IHO1: variants seen among roughly 807,000 people sequenced by gnomAD.
IHO1 encodes the protein interactor of HORMAD1 1, also known as interactor of HORMAD1 protein 1.
In IHO1, 13 loss-of-function variants were observed where a neutral mutation model predicts 31.0. That is an observed-to-expected ratio of 0.42 (90% confidence interval 0.27 to 0.67). The LOEUF (loss-of-function observed/expected upper bound fraction) is 0.67. Among genes scored for constraint, IHO1 ranks in the 30% least tolerant of loss-of-function variants. The pLI, the probability that IHO1 is intolerant of heterozygous loss-of-function variation, is 0.24. For synonymous variants in IHO1, 221 were observed against 248.4 expected (o/e 0.89, Z 1.04); for missense variants, 599 against 687.5 (o/e 0.87, Z 1.44).
chr3:49,209,047 A>G (rs1388086796), intron 1 of IHO1, among the ~76,000 whole-genome samples: 1 of 152,226 alleles, frequency 6.6e-6, no homozygotes, highest in Non-Finnish European at 1.5e-5. Flanking sequence ...TGGACATCTC[A>G]GGCTTGGGTA....
At chr3:49,193,293 G>A in the IHO1 span, among the ~76,000 whole-genome samples, 2 of 151,042 alleles carry the variant, frequency 1.3e-5, no homozygotes, top group African/African-American at 4.9e-5. Context: ...GATCACTTGA[G>A]CCCGGGAAGT....
At position 49,256,673 on chromosome 3, in the gene IHO1, G is replaced by A. The variant is rs139494518; in HGVS notation, c.1176G>A (p.Gln392=). ...ACCTGGTTTCCCAAGGAGCCTCACA[G>A]CTCACATCATTGGAGATAAACTTTT... ...DRDLVSQGAS[Q]LTSLEINFST... is the part of the protein sequence containing the mutation. Residue 392 remains glutamine, a synonymous_variant, in exon 8 of 8, where the codon CAG becomes CAA. Coordinates refer to ENST00000452691, the MANE Select transcript of IHO1 (RefSeq NM_001135197.2). This position sits in a 1 kb window ranked among gnomAD's most constrained non-coding sequence, Gnocchi z 4.6. 2.5e-5 allele frequency: 40 copies of A among 1,614,246 alleles called. 1 individual carries two copies. The African/African-American group carries it at 4.4e-4, about 18-fold the overall frequency.
chr3:49,193,655 CAAAAAAAAAAAAAA>C (rs71077770), upstream of IHO1, among the ~76,000 whole-genome samples: 1 of 24,998 alleles, frequency 4.0e-5, no homozygotes, highest in East Asian at 1.2e-3. Flanking sequence ...GAGACTCTAC[CAAAAAAAAAAAAAA>C]AAAAAAAAAA....
chr3:49,224,606 G>A (rs759205825), intron 2 of IHO1, among the ~76,000 whole-genome samples: 21 of 152,194 alleles, frequency 1.4e-4, no homozygotes, highest in Non-Finnish European at 2.9e-4. Flanking sequence ...CTAACTGGGC[G>A]CTGGTCCCTG....
intron 1 of IHO1, among the ~76,000 whole-genome samples, chr3:49,201,854 G>A (rs886655262): frequency 1.3e-5 from 2 of 152,142 alleles, no homozygotes; most frequent in Non-Finnish European, 2.9e-5. Flanking sequence ...ATAGGTGGAG[G>A]TTGTAGTGAG....
chr3:49,219,849 T>C (rs1480187084), intron 2 of IHO1, among the ~76,000 whole-genome samples: 2 of 152,174 alleles, frequency 1.3e-5, no homozygotes, highest in Non-Finnish European at 2.9e-5. Flanking sequence ...CCTTTCATAC[T>C]AATGATGAGG....
At chr3:49,231,942 C>T (rs529946866) in intron 2 of IHO1, among the ~76,000 whole-genome samples, 16 of 152,332 alleles carry the variant, frequency 1.1e-4, no homozygotes, top group African/African-American at 3.8e-4. Context: ...GAACCTAATT[C>T]TCTTTGGCAA....
upstream of IHO1, among the ~76,000 whole-genome samples, chr3:49,194,551 A>G (rs1031299574): frequency 1.4e-5 from 2 of 143,918 alleles, no homozygotes; most frequent in Admixed American, 6.9e-5. Flanking sequence ...TCGGCCTCCC[A>G]AAGTGCTGAG....
At chr3:49,255,588 G>C in intron 7 of IHO1, 95 bp downstream of exon 7, 1 of 709,924 alleles carries the variant, frequency 1.4e-6, no homozygotes, top group Non-Finnish European at 2.2e-6. Context: ...TTGAGACAGA[G>C]TCTCGCTTTG....
rs1276034356 is a variant in IHO1 at position 49,256,144 on chromosome 3, A to G, written c.647A>G (p.Glu216Gly). ...MKKRFEARQG[E>G]FIEMKSNLKH... Reference sequence around the variant, plus strand: ...TGCCTCTCTCCCCAGAGACAAGGAGAGTTTATAGAAATGAAGTCCAACCTG... The same window carrying G: ...TGCCTCTCTCCCCAGAGACAAGGAGGGTTTATAGAAATGAAGTCCAACCTG... The change falls in exon 8 of 8, where the codon GAG (glutamate) becomes GGG (glycine). Residue 216 changes from glutamate to glycine, a missense_variant. Coordinates refer to ENST00000452691, the MANE Select transcript of IHO1 (RefSeq NM_001135197.2). The surrounding 1 kb of genome is among the most constrained non-coding windows in gnomAD (Gnocchi z 4.6). The G allele has an allele frequency of 1.2e-6, 2 of 1,607,436 alleles. No individual in the cohort carries two copies. Among genetic ancestry groups the G allele is most frequent in the Non-Finnish European group, 1.7e-6 (2 of 1,177,052 alleles).
chr3:49,229,536 T>C (rs1186647951), intron 2 of IHO1, among the ~76,000 whole-genome samples: 2 of 152,146 alleles, frequency 1.3e-5, no homozygotes, highest in Non-Finnish European at 2.9e-5. Context: ...GAAAGTGAAA[T>C]TAAATGAACA....
At chr3:49,234,973 A>G (rs1243804610) in intron 2 of IHO1, among the ~76,000 whole-genome samples, 1 of 151,770 alleles carries the variant, frequency 6.6e-6, no homozygotes, top group African/African-American at 2.4e-5. Context: ...CAGCCTCCCA[A>G]GTAGCTGGGA....
chr3:49,219,283 C>A (rs975971040), intron 2 of IHO1, among the ~76,000 whole-genome samples: 4 of 152,186 alleles, frequency 2.6e-5, no homozygotes, highest in African/African-American at 9.7e-5. Context: ...GGGCAAGGAA[C>A]ACCTCACCCA....
intron 4 of IHO1, 144 bp downstream of exon 4, chr3:49,241,533 A>G: frequency 1.7e-6 from 1 of 572,364 alleles, no homozygotes; most frequent in Non-Finnish European, 3.1e-6. Context: ...GGACTTACAC[A>G]CACATACACA....
upstream of IHO1, among the ~76,000 whole-genome samples, chr3:49,195,761 A>G (rs1014718630): frequency 6.6e-6 from 1 of 151,662 alleles, no homozygotes; most frequent in African/African-American, 2.4e-5. Context: ...AAATAAATAT[A>G]TAAATAAAGT....
intron 4 of IHO1, among the ~76,000 whole-genome samples, chr3:49,242,957 C>G (rs1010446258): frequency 6.6e-6 from 1 of 152,078 alleles, no homozygotes; most frequent in South Asian, 2.1e-4. Flanking sequence ...TAGGTAGACT[C>G]TTGTCACAGA....
In IHO1 at chr3:49,257,319, G is replaced by T; in HGVS notation, c.*37G>T. 6.3e-7 allele frequency: 1 copy of T among 1,580,284 alleles called. No homozygotes were observed. The highest frequency in any genetic ancestry group is 1.2e-5 in the South Asian group (1 of 86,034). On this transcript the variant is annotated 3_prime_UTR_variant, in exon 8 of 8. Coordinates refer to ENST00000452691, the MANE Select transcript of IHO1 (RefSeq NM_001135197.2). ...TTGATTTATTGGTCTCAGCTAGAAAGAGAAATTGCAGGACATTTGGGCTGG... is the reference window on the plus strand; with the variant it reads ...TTGATTTATTGGTCTCAGCTAGAAATAGAAATTGCAGGACATTTGGGCTGG...
Position 49,227,544 on chromosome 3 carries a change from G to C in IHO1, c.57-9004G>C, listed in dbSNP as rs186073405. 5.3e-3 allele frequency among the ~76,000 whole-genome samples: 801 copies of C among 152,272 alleles called. 4 individuals are homozygous for C. Among genetic ancestry groups the C allele is most frequent in the Middle Eastern group, 0.024 (7 of 294 alleles). On this transcript the variant is annotated intron_variant, in intron 2 of 7. Transcript: ENST00000452691. Reference sequence around the variant, plus strand: ...GGAGGACTGAGGAAGATCAGATTTAGTGGCCCTTACTGACACATTCTCGAA... The same window carrying C: ...GGAGGACTGAGGAAGATCAGATTTACTGGCCCTTACTGACACATTCTCGAA...
chr3:49,212,875 G>C (rs532624724), intron 2 of IHO1, among the ~76,000 whole-genome samples: 12 of 152,340 alleles, frequency 7.9e-5, no homozygotes, highest in African/African-American at 2.9e-4. Context: ...GAGGATCGGA[G>C]CTGGTTGCCA....
Sources: gnomAD v4.1 joint callset for allele counts (sites outside exome capture counted in the v4.1 genomes callset) on GRCh38, gnomAD v4.1.1 for gene constraint, Gnocchi (gnomAD v3.1) non-coding constraint, MANE v1.5 for transcripts, NCBI Gene and HGNC (gene_info 2026-07-23, HGNC 2026-07-21) for gene names.